LTN1: variants seen among roughly 807,000 people sequenced by gnomAD.
LTN1 encodes E3 ubiquitin-protein ligase listerin.
A neutral mutation model predicts 201.2 loss-of-function variants in LTN1; 88 were observed. The ratio of observed to expected loss-of-function variants is 0.44; its 90% CI spans 0.37 to 0.52. The LOEUF is 0.52. Ranked by LOEUF, LTN1 falls within the 20% of genes least tolerant of loss-of-function variation. The pLI is 0.00. For synonymous variants in LTN1, 645 were observed against 713.5 expected, an observed-to-expected ratio of 0.90 and a Z score of 1.53; for missense variants, 1,752 against 2,038.7, an observed-to-expected ratio of 0.86 and a Z score of 2.71.
intron 18 of LTN1, among the ~76,000 whole-genome samples, chr21:28,950,025 G>T (rs1314155044): frequency 2.0e-5 from 3 of 151,916 alleles, no homozygotes; most frequent in Non-Finnish European, 2.9e-5. Flanking sequence ...GTTATATTTG[G>T]CATGCAGTCT....
chr21:28,933,790 C>T (rs2035066705), intron 27 of LTN1, among the ~76,000 whole-genome samples: 1 of 151,872 alleles, frequency 6.6e-6, no homozygotes, highest in Admixed American at 6.6e-5. Context: ...AATTCTCCTA[C>T]CTCAGCCTCC....
At chr21:28,946,106 C>G (rs766919061) in intron 20 of LTN1, 46 bp downstream of exon 20, 2 of 1,526,874 alleles carry the variant, frequency 1.3e-6, no homozygotes, top group South Asian at 2.4e-5. Context: ...TAATCTTTGT[C>G]TGAATTGTAT....
intron 11 of LTN1, among the ~76,000 whole-genome samples, chr21:28,964,970 T>G (rs920327912): frequency 1.3e-5 from 2 of 152,160 alleles, no homozygotes; most frequent in Non-Finnish European, 2.9e-5. Flanking sequence ...TATTCTGTAT[T>G]TATTTTGTAA....
chr21:28,957,330 A>G lies in LTN1; in HGVS notation c.2892+2T>C. ...ATATGTACTCTTCAATTTCCAAAAT[A>G]CCTGCATAGGAAGAGACTGCCTCAT... is the stretch of plus-strand genomic sequence containing the variant. On this transcript the variant is annotated splice_donor_variant, in intron 15 of 29. Transcript: ENST00000361371. LOFTEE classifies it high-confidence loss of function. 1 of 1,578,916 alleles carries G rather than the reference A, an allele frequency of 6.3e-7. No individual in the cohort carries two copies. Among genetic ancestry groups the G allele is most frequent in the Non-Finnish European group, 8.6e-7 (1 of 1,168,666 alleles).
chr21:28,930,497 G>A lies in LTN1; in HGVS notation c.5252C>T (p.Thr1751Ile), dbSNP rs777281820. 1 of 1,612,194 alleles carries A rather than the reference G, an allele frequency of 6.2e-7. No homozygotes were observed. The change falls in exon 30 of 30, where the codon ACA (threonine) becomes ATA (isoleucine). Residue 1751 changes from threonine (T) to isoleucine (I), a missense_variant. By Grantham distance (89) the Thr-to-Ile change is moderately conservative (BLOSUM62 -1). Transcript: ENST00000361371. ...TGGACAAGTGGATTTGTTGCTAGAT[G>A]TAAACCATTTGTACTGAAAAAGAAA... ...FHSACLYKWF[T>I]SSNKSTCPLC... is the part of the protein sequence containing the mutation.
At chr21:28,936,037 A>C (rs1601162961) in intron 26 of LTN1, among the ~76,000 whole-genome samples, 1 of 152,318 alleles carries the variant, frequency 6.6e-6, no homozygotes, top group Non-Finnish European at 1.5e-5. Flanking sequence ...AGCTTGCTGA[A>C]CTGCTGTGCA....
intron 17 of LTN1, among the ~76,000 whole-genome samples, chr21:28,952,826 T>C (rs2084393704): frequency 6.6e-6 from 1 of 152,228 alleles, no homozygotes; most frequent in African/African-American, 2.4e-5. Context: ...TTTTCATACC[T>C]GCCTTCCTAA....
At chr21:28,947,628 A>C (rs1319171624) in intron 18 of LTN1, 22 bp from the exon 19 acceptor site, 1 of 1,470,824 alleles carries the variant, frequency 6.8e-7, no homozygotes, top group Non-Finnish European at 9.1e-7. Flanking sequence ...AAAAAAAAAC[A>C]CAAGTTAGAT....
intron 16 of LTN1, among the ~76,000 whole-genome samples, chr21:28,954,883 T>G (rs2084411735): frequency 1.3e-5 from 2 of 152,162 alleles, no homozygotes; most frequent in South Asian, 4.1e-4. Flanking sequence ...TAGGCAAATA[T>G]TTTTATGGCT....
chr21:28,957,601 GT>G, intron 14 of LTN1, 125 bp from the exon 15 acceptor site: 2 of 544,152 alleles, frequency 3.7e-6, no homozygotes, highest in Non-Finnish European at 5.7e-6. Flanking sequence ...ATAAAAAGAG[GT>G]AAGTGACATT....
rs2084202829 is a variant in LTN1, at chr21:28,930,559, T to C, written c.5239-49A>G. 4 of 1,198,722 alleles carry C rather than the reference T, an allele frequency of 3.3e-6. No homozygotes were observed. In the East Asian group the frequency reaches 7.1e-5, roughly 21 times the overall value. The allele number at this position is 1,198,722 out of a possible 1,614,324, so 74.3% of individuals were successfully genotyped here. A position where few individuals can be genotyped will look rare whatever the true frequency, so the allele number is the denominator to read the frequency against. ...ACTAAAAGAACTTTTAAAGTTCTCCTCTAACATACATCATAAAGTACACAT... is the reference window on the plus strand; with the variant it reads ...ACTAAAAGAACTTTTAAAGTTCTCCCCTAACATACATCATAAAGTACACAT... On this transcript the variant is annotated intron_variant, in intron 29 of 29. Coordinates refer to ENST00000361371, the MANE Select transcript of LTN1 (RefSeq NM_015565.3).
rs145841562 is a variant in LTN1, at chr21:28,963,857, C to T, written c.2163+2008G>A. Reference sequence around the variant, plus strand: ...TAGGAGTTGAGAAGCTGATTCCAACCCTCATGGATGACTTTGAGAGGTTCA... The same window carrying T: ...TAGGAGTTGAGAAGCTGATTCCAACTCTCATGGATGACTTTGAGAGGTTCA... On this transcript the variant is annotated intron_variant, in intron 11 of 29. Coordinates refer to ENST00000361371, the MANE Select transcript of LTN1 (RefSeq NM_015565.3). Among the ~76,000 whole-genome samples, 212 of 152,210 alleles carry T rather than the reference C, an allele frequency of 1.4e-3. 2 individuals are homozygous for T. The highest frequency in any genetic ancestry group is 5.5e-3 in the Admixed American group (84 of 15,290).
chr21:28,971,374 G>C lies in LTN1; in HGVS notation c.881C>G (p.Ala294Gly). 1 of 1,614,094 alleles carries C rather than the reference G, an allele frequency of 6.2e-7. No homozygotes were observed. The highest frequency in any genetic ancestry group is 2.2e-5 in the East Asian group (1 of 44,870). Residue 294 changes from alanine to glycine, a missense_variant, in exon 7 of 30, where the codon GCA (alanine) becomes GGA (glycine). Transcript: ENST00000361371. ...TAGAACTGATGGGCTCACTTTGGAT[G>C]CTTCCTCTTTCATCAACTGTGGAAT... Reference protein sequence around the residue: ...QRIPQLMKEEASKVSPSVLLS... With the variant: ...QRIPQLMKEEGSKVSPSVLLS...
At chr21:28,951,090 T>G (rs1016285848) in intron 18 of LTN1, among the ~76,000 whole-genome samples, 1 of 144,036 alleles carries the variant, frequency 6.9e-6, no homozygotes, top group Non-Finnish European at 1.5e-5. Flanking sequence ...TATCAATGCC[T>G]TTTCCTTGGT....
At position 28,990,658 on chromosome 21, in the gene LTN1, G is replaced by A. The variant is rs753559544; in HGVS notation, c.42+2106C>T. Reference sequence around the variant, plus strand: ...CACCAATAAGGGGACAAACAGGTGCGAAGTGCCCCTGGTGTGTGATGCACT... The same window carrying A: ...CACCAATAAGGGGACAAACAGGTGCAAAGTGCCCCTGGTGTGTGATGCACT... On this transcript the variant is annotated intron_variant, in intron 1 of 29. Coordinates refer to ENST00000361371, the MANE Select transcript of LTN1 (RefSeq NM_015565.3). Among the ~76,000 whole-genome samples, 153 of 152,116 alleles carry A rather than the reference G, an allele frequency of 1.0e-3. 3 individuals carry two copies. The highest frequency in any genetic ancestry group is 8.5e-4 in the Admixed American group (13 of 15,234).
chr21:28,958,309 C>T (rs1362144151), intron 14 of LTN1, 77 bp downstream of exon 14: 10 of 1,386,992 alleles, frequency 7.2e-6, no homozygotes, highest in Non-Finnish European at 9.9e-6. Flanking sequence ...TAGGCACTCA[C>T]ACTGATCATG....
intron 9 of LTN1, among the ~76,000 whole-genome samples, chr21:28,969,121 T>G (rs537314799): frequency 6.6e-6 from 1 of 151,696 alleles, no homozygotes; most frequent in Non-Finnish European, 1.5e-5. Flanking sequence ...CTTGGGAGGC[T>G]GAGGCAGGAG....
chr21:28,983,682 T>C (rs1389799209), intron 4 of LTN1, among the ~76,000 whole-genome samples: 1 of 152,044 alleles, frequency 6.6e-6, no homozygotes. Flanking sequence ...GGATGGCTAA[T>C]TGAAAGGAGG....
chr21:28,941,119 CAT>C, intron 25 of LTN1, 99 bp downstream of exon 25: 1 of 786,728 alleles, frequency 1.3e-6, no homozygotes, highest in Non-Finnish European at 2.0e-6. Flanking sequence ...GAGATTAAAA[CAT>C]AAGGATTTTC....
Sources: gnomAD v4.1 joint callset for allele counts (sites outside exome capture counted in the v4.1 genomes callset) on GRCh38, gnomAD v4.1.1 for gene constraint, MANE v1.5 for transcripts, NCBI Gene and HGNC (gene_info 2026-07-23, HGNC 2026-07-21) for gene names.